Variants in HS6ST3 observed in about 807,000 individuals in gnomAD.
HS6ST3 encodes heparan-sulfate 6-O-sulfotransferase 3.
In HS6ST3, 12 loss-of-function variants were observed where a neutral mutation model predicts 36.7. The ratio of observed to expected loss-of-function variants is 0.33; its 90% CI spans 0.21 to 0.53. The LOEUF is 0.53. Ranked by LOEUF, HS6ST3 falls within the 20% of genes least tolerant of loss-of-function variation. HS6ST3 has a pLI of 0.95. For missense variants in HS6ST3, 584 were observed against 640.9 expected, an observed-to-expected ratio of 0.91 and a Z score of 0.96; for synonymous variants, 240 against 257.5, an observed-to-expected ratio of 0.93 and a Z score of 0.65.
chr13:96,289,916 G>A (rs2054821596), intron 1 of HS6ST3, among the ~76,000 whole-genome samples: 1 of 152,154 alleles, frequency 6.6e-6, no homozygotes, highest in African/African-American at 2.4e-5. Flanking sequence ...ACGTGTTACT[G>A]CTTCCCAAAA....
intron 1 of HS6ST3, among the ~76,000 whole-genome samples, chr13:96,730,069 C>A (rs1876109627): frequency 6.6e-6 from 1 of 152,136 alleles, no homozygotes; most frequent in Non-Finnish European, 1.5e-5. Context: ...ACCTTCATTT[C>A]TTGCTATTGT....
At chr13:96,626,143 G>A (rs541942303) in intron 1 of HS6ST3, among the ~76,000 whole-genome samples, 1 of 152,168 alleles carries the variant, frequency 6.6e-6, no homozygotes, top group Non-Finnish European at 1.5e-5. Context: ...CGCCCGGCCT[G>A]TAAAGAGAAA....
intron 1 of HS6ST3, among the ~76,000 whole-genome samples, chr13:96,219,039 G>T (rs1444932636): frequency 6.6e-6 from 1 of 152,058 alleles, no homozygotes; most frequent in Non-Finnish European, 1.5e-5. Context: ...TTGCCCTTGG[G>T]ACTAGCTGTG....
chr13:96,682,307 ATCTCCATATATTTTCT>A (rs1461132600), intron 1 of HS6ST3, among the ~76,000 whole-genome samples: 1 of 152,102 alleles, frequency 6.6e-6, no homozygotes, highest in Non-Finnish European at 1.5e-5. Context: ...AAGGCATACA[ATCTCCATATATTTTCT>A]TTTCTCTTTA....
intron 1 of HS6ST3, among the ~76,000 whole-genome samples, chr13:96,659,772 T>G (rs540251412): frequency 6.6e-6 from 1 of 152,258 alleles, no homozygotes; most frequent in Non-Finnish European, 1.5e-5. Flanking sequence ...CTACTGAATT[T>G]TAGTGGCACC....
intron 1 of HS6ST3, among the ~76,000 whole-genome samples, chr13:96,151,442 T>C (rs541943722): frequency 2.0e-5 from 3 of 149,054 alleles, no homozygotes; most frequent in African/African-American, 7.4e-5. Context: ...GGATACAAAA[T>C]AGTACAAACA....
chr13:96,288,911 C>A (rs998821343), intron 1 of HS6ST3, among the ~76,000 whole-genome samples: 1 of 151,882 alleles, frequency 6.6e-6, no homozygotes, highest in East Asian at 1.9e-4. Flanking sequence ...TATCTAGAAA[C>A]CCCAAGAGAT....
Position 96,706,539 on chromosome 13 carries a change from G to A in HS6ST3, c.708-125951G>A, listed in dbSNP as rs965410246. The stretch of plus-strand genomic sequence containing the variant: ...AGGTGGGCTTTTACAACAACCAATG[G>A]TCAAGTAAATATCTTCTGAAGACCG... On this transcript the variant is annotated intron_variant, in intron 1 of 1. Coordinates refer to ENST00000376705, the MANE Select transcript of HS6ST3 (RefSeq NM_153456.4). Among the ~76,000 whole-genome samples, 41 of 150,766 alleles carry A rather than the reference G, an allele frequency of 2.7e-4. 1 individual carries two copies. Among genetic ancestry groups the A allele is most frequent in the African/African-American group, 9.5e-4 (39 of 40,952 alleles).
At position 96,545,056 on chromosome 13, in the gene HS6ST3, A is replaced by G. The variant is rs151175238; in HGVS notation, c.708-287434A>G. Among the ~76,000 whole-genome samples the G allele has an allele frequency of 6.0e-4, 91 of 152,320 alleles. No individual in the cohort carries two copies. In the East Asian group the frequency reaches 0.017, roughly 28 times the overall value. On this transcript the variant is annotated intron_variant, in intron 1 of 1. Coordinates refer to ENST00000376705, the MANE Select transcript of HS6ST3 (RefSeq NM_153456.4). ...AATGCGCTCCTTGCCTGGTGAATATATAATAGAAATATGTGAGAACATAGC... is the reference window on the plus strand; with the variant it reads ...AATGCGCTCCTTGCCTGGTGAATATGTAATAGAAATATGTGAGAACATAGC...
intron 1 of HS6ST3, among the ~76,000 whole-genome samples, chr13:96,709,169 C>T (rs931479962): frequency 3.3e-5 from 5 of 152,196 alleles, no homozygotes; most frequent in African/African-American, 1.2e-4. Flanking sequence ...TTCACTCATG[C>T]TCTCTCCTGC....
chr13:96,460,949 G>A (rs568374428), intron 1 of HS6ST3, among the ~76,000 whole-genome samples: 4 of 152,318 alleles, frequency 2.6e-5, no homozygotes, highest in Admixed American at 6.5e-5. Flanking sequence ...AAAAAGCATC[G>A]TAAGTGCTAT....
In HS6ST3 at chr13:96,291,429, A is replaced by G. The variant is rs528902718; in HGVS notation, c.707+199860A>G. On this transcript the variant is annotated intron_variant, in intron 1 of 1. Transcript: ENST00000376705. Reference sequence around the variant, plus strand: ...GCCTGGTGCAGTCCATGTTTTGGGAAAGGATAGGAACTGCCATGTTCTTGA... The same window carrying G: ...GCCTGGTGCAGTCCATGTTTTGGGAGAGGATAGGAACTGCCATGTTCTTGA... Among the ~76,000 whole-genome samples the G allele has an allele frequency of 2.6e-5, 4 of 152,290 alleles. No homozygotes were observed. The South Asian group carries it at 8.3e-4, about 32-fold the overall frequency.
At chr13:96,679,373 G>C (rs1366219087) in intron 1 of HS6ST3, among the ~76,000 whole-genome samples, 1 of 151,810 alleles carries the variant, frequency 6.6e-6, no homozygotes, top group Non-Finnish European at 1.5e-5. Context: ...AAAGCCCACT[G>C]CCACATCCCT....
At chr13:96,822,950 A>G (rs769536454) in intron 1 of HS6ST3, among the ~76,000 whole-genome samples, 11 of 152,196 alleles carry the variant, frequency 7.2e-5, no homozygotes, top group African/African-American at 2.2e-4. Context: ...AAAATAAACA[A>G]TCTCTTTGGA....
chr13:96,333,588 A>C (rs984403940), intron 1 of HS6ST3, among the ~76,000 whole-genome samples: 1 of 152,168 alleles, frequency 6.6e-6, no homozygotes. Context: ...TTGGAGTAGC[A>C]ATAGTTCTGG....
chr13:96,137,680 G>A (rs893652999), intron 1 of HS6ST3, among the ~76,000 whole-genome samples: 6 of 152,050 alleles, frequency 3.9e-5, no homozygotes, highest in African/African-American at 9.7e-5. Flanking sequence ...ATCCACCCAC[G>A]TTGGCCTCCC....
rs149662206 is a variant in HS6ST3 at position 96,647,563 on chromosome 13, AG to A, written c.708-184926del. ...AAACAAACAAAATTTTGTATTAGCAAGTCTGGGAAACCACATTGACCATTCT... is the reference window on the plus strand; with the variant it reads ...AAACAAACAAAATTTTGTATTAGCAATCTGGGAAACCACATTGACCATTCT... On this transcript the variant is annotated intron_variant, in intron 1 of 1. Transcript: ENST00000376705. Among the ~76,000 whole-genome samples, 323 of 152,184 alleles carry A rather than the reference AG, an allele frequency of 2.1e-3. 5 individuals carry two copies. The East Asian group carries it at 0.037, about 17-fold the overall frequency.
intron 1 of HS6ST3, among the ~76,000 whole-genome samples, chr13:96,391,998 G>A (rs1405101833): frequency 2.0e-5 from 3 of 152,208 alleles, no homozygotes; most frequent in Non-Finnish European, 4.4e-5. Flanking sequence ...CAAATGTTTA[G>A]ATACATTATT....
At chr13:96,641,358 T>C (rs1358735237) in intron 1 of HS6ST3, among the ~76,000 whole-genome samples, 1 of 140,726 alleles carries the variant, frequency 7.1e-6, no homozygotes, top group Non-Finnish European at 1.6e-5. Flanking sequence ...TCTTTGGACA[T>C]TGATTTTTTA....
Sources: allele counts gnomAD v4.1 joint callset (sites outside exome capture counted in the v4.1 genomes callset), GRCh38; gene constraint gnomAD v4.1.1; transcripts MANE v1.5; gene names NCBI Gene and HGNC (gene_info 2026-07-23, HGNC 2026-07-21).